Variants in GRIN3A observed in about 807,000 individuals in gnomAD.
The protein encoded by GRIN3A is glutamate ionotropic receptor NMDA type subunit 3A, also known as glutamate receptor ionotropic, NMDA 3A.
Under a neutral mutation model 92.4 loss-of-function variants are expected in GRIN3A, and 47 were observed. That is an observed-to-expected ratio of 0.51 (90% CI 0.40 to 0.65). The LOEUF (loss-of-function observed/expected upper bound fraction) is 0.65, where lower values mean the gene tolerates loss of function less well. Ranked by LOEUF, GRIN3A falls within the 30% of genes least tolerant of loss-of-function variation. GRIN3A has a pLI of 0.00. For synonymous variants in GRIN3A, 527 were observed against 540.6 expected (o/e 0.97, Z 0.35); for missense variants, 1,324 against 1,393.1 (o/e 0.95, Z 0.79).
chr9:101,667,833 G>A (rs567859160), intron 3 of GRIN3A, among the ~76,000 whole-genome samples: 5 of 152,010 alleles, frequency 3.3e-5, no homozygotes, highest in Non-Finnish European at 5.9e-5. Flanking sequence ...CCTAAATCCC[G>A]GGGTCAAACA....
intron 3 of GRIN3A, among the ~76,000 whole-genome samples, chr9:101,664,739 C>T (rs1301093225): frequency 6.6e-6 from 1 of 151,942 alleles, no homozygotes; most frequent in African/African-American, 2.4e-5. Context: ...TGGTTAAAGC[C>T]AATGAATTTC....
At chr9:101,725,455 G>A (rs1830072492) in intron 1 of GRIN3A, among the ~76,000 whole-genome samples, 2 of 152,142 alleles carry the variant, frequency 1.3e-5, no homozygotes, top group South Asian at 4.1e-4. Context: ...AAAGGGAGAA[G>A]TCAAAGATGT....
chr9:101,718,060 T>G (rs951513465), intron 1 of GRIN3A, among the ~76,000 whole-genome samples: 1 of 152,182 alleles, frequency 6.6e-6, no homozygotes, highest in African/African-American at 2.4e-5. Context: ...CACCATACCT[T>G]GACATATGGT....
chr9:101,638,626 A>G (rs1369809700), intron 3 of GRIN3A, among the ~76,000 whole-genome samples: 1 of 152,246 alleles, frequency 6.6e-6, no homozygotes, highest in Non-Finnish European at 1.5e-5. Context: ...GATGATGATC[A>G]TGATGTAGCT....
chr9:101,621,821 A>C (rs975936305), intron 5 of GRIN3A, among the ~76,000 whole-genome samples: 2 of 152,284 alleles, frequency 1.3e-5, no homozygotes, highest in Non-Finnish European at 2.9e-5. Flanking sequence ...TCTACCCATG[A>C]TTCATTGTTA....
rs181627436 is a variant in GRIN3A at position 101,628,497 on chromosome 9, C to T, written c.2353-96G>A. The T allele has an allele frequency of 1.0e-4, 129 of 1,281,324 alleles. No individual in the cohort carries two copies. In the African/African-American group the frequency reaches 1.5e-3, roughly 15 times the overall value. 79.4% of individuals were successfully genotyped at this position (1,281,324 alleles called of 1,614,324 possible). A position where few individuals can be genotyped will look rare whatever the true frequency, so the allele number is the denominator to read the frequency against. ...AATTCTTTGAAACTTAATAATAATTCGGAACTTTTCTAACCCCCACAGGCA... is the reference window on the plus strand; with the variant it reads ...AATTCTTTGAAACTTAATAATAATTTGGAACTTTTCTAACCCCCACAGGCA... On this transcript the variant is annotated intron_variant, in intron 3 of 8. Transcript: ENST00000361820.
At chr9:101,668,751 A>C (rs954068702) in intron 3 of GRIN3A, among the ~76,000 whole-genome samples, 5 of 152,158 alleles carry the variant, frequency 3.3e-5, no homozygotes, top group African/African-American at 1.2e-4. Flanking sequence ...GGTTTGCAAT[A>C]TATGGGTCAA....
chr9:101,641,299 G>A (rs1828858612), intron 3 of GRIN3A, among the ~76,000 whole-genome samples: 2 of 152,154 alleles, frequency 1.3e-5, no homozygotes, highest in South Asian at 2.1e-4. Flanking sequence ...TATACCCAAC[G>A]GATTATAAAT....
chr9:101,713,159 G>C (rs1829902353), intron 1 of GRIN3A, among the ~76,000 whole-genome samples: 1 of 152,170 alleles, frequency 6.6e-6, no homozygotes, highest in Non-Finnish European at 1.5e-5. Context: ...TTCTGGGGCA[G>C]TCAGAATGAC....
At chr9:101,574,036 A>G (rs1827795936) in intron 8 of GRIN3A, among the ~76,000 whole-genome samples, 1 of 152,058 alleles carries the variant, frequency 6.6e-6, no homozygotes, top group Non-Finnish European at 1.5e-5. Flanking sequence ...AAAGCATATA[A>G]GCCACAGGTC....
At chr9:101,705,777 T>C (rs1829810029) in intron 1 of GRIN3A, among the ~76,000 whole-genome samples, 1 of 152,354 alleles carries the variant, frequency 6.6e-6, no homozygotes, top group South Asian at 2.1e-4. Flanking sequence ...ATTTATTGGA[T>C]GCATGTTTAT....
chr9:101,596,442 A>G (rs73507213), intron 6 of GRIN3A, among the ~76,000 whole-genome samples: 252 of 152,340 alleles, frequency 1.7e-3, no homozygotes, highest in African/African-American at 5.9e-3. Flanking sequence ...TGCAATATTA[A>G]GGATACCACC....
chr9:101,700,743 C>T lies in GRIN3A; in HGVS notation c.700-13543G>A, dbSNP rs182470605. On this transcript the variant is annotated intron_variant, in intron 1 of 8. Coordinates refer to ENST00000361820, the MANE Select transcript of GRIN3A (RefSeq NM_133445.3). ...TCAGTTATTTATCTGCTATCTAAAG[C>T]GAGGTACCATTATAGAACTGGAGAC... Among the ~76,000 whole-genome samples, 93 of 152,018 alleles carry T rather than the reference C, an allele frequency of 6.1e-4. 1 individual carries two copies. The highest frequency in any genetic ancestry group is 5.2e-4 in the Admixed American group (8 of 15,262).
intron 3 of GRIN3A, among the ~76,000 whole-genome samples, chr9:101,644,773 A>G (rs921393900): frequency 4.6e-5 from 7 of 151,876 alleles, no homozygotes; most frequent in African/African-American, 1.7e-4. Context: ...TTGATTTTTC[A>G]GTGGTCATCA....
intron 3 of GRIN3A, among the ~76,000 whole-genome samples, chr9:101,633,449 C>G (rs1478090015): frequency 2.0e-5 from 3 of 152,202 alleles, no homozygotes; most frequent in African/African-American, 4.8e-5. Context: ...CTTTGCAAGT[C>G]TAATCATCCA....
chr9:101,634,733 T>A (rs1157238465), intron 3 of GRIN3A, among the ~76,000 whole-genome samples: 1 of 152,160 alleles, frequency 6.6e-6, no homozygotes, highest in Non-Finnish European at 1.5e-5. Context: ...AACTAATAAA[T>A]ACCAATTAAT....
At chr9:101,663,903 G>T (rs1013588591) in intron 3 of GRIN3A, among the ~76,000 whole-genome samples, 4 of 151,332 alleles carry the variant, frequency 2.6e-5, no homozygotes, top group Admixed American at 1.3e-4. Context: ...AGGGCTAAAA[G>T]GGGAGAAGCT....
At chr9:101,620,762 C>G (rs1223579578) in intron 5 of GRIN3A, among the ~76,000 whole-genome samples, 1 of 152,078 alleles carries the variant, frequency 6.6e-6, no homozygotes, top group African/African-American at 2.4e-5. Context: ...AAGTATTGCT[C>G]ATACACCGCT....
In GRIN3A at chr9:101,697,162, A is replaced by G. The variant is rs568157269; in HGVS notation, c.700-9962T>C. Among the ~76,000 whole-genome samples, 7 of 152,344 alleles carry G rather than the reference A, an allele frequency of 4.6e-5. No homozygotes were observed. The South Asian group carries it at 1.5e-3, about 32-fold the overall frequency. ...ACACTAGAAATAGTATTAGTATAAC[A>G]TTAAGCAGTATCTCAATACATTTCT... On this transcript the variant is annotated intron_variant, in intron 1 of 8. Transcript: ENST00000361820.
Sources: allele counts gnomAD v4.1 joint callset (sites outside exome capture counted in the v4.1 genomes callset), GRCh38; gene constraint gnomAD v4.1.1; transcripts MANE v1.5; gene names NCBI Gene and HGNC (gene_info 2026-07-23, HGNC 2026-07-21).